PIEZO1: variants seen among roughly 807,000 people sequenced by gnomAD.
The protein encoded by PIEZO1 is piezo-type mechanosensitive ion channel component 1.
In PIEZO1, 296 loss-of-function variants were observed where a neutral mutation model predicts 297.2. That is an observed-to-expected ratio of 1.00 (90% CI 0.91 to 1.10). The LOEUF (loss-of-function observed/expected upper bound fraction) is 1.10. Ranked by LOEUF, PIEZO1 falls within the 50% of genes least tolerant of loss-of-function variation. The pLI, the probability that PIEZO1 is intolerant of heterozygous loss-of-function variation, is 0.00. For missense variants in PIEZO1, 5,018 were observed against 3,455.5 expected, an observed-to-expected ratio of 1.45 and a Z score of -11.34; for synonymous variants, 2,427 against 1,507.5, an observed-to-expected ratio of 1.61 and a Z score of -14.13.
intron 5 of PIEZO1, chr16:88,741,226 A>C: frequency 2.3e-6 from 1 of 436,674 alleles, no homozygotes; most frequent in African/African-American, 2.0e-5. Flanking sequence ...AAGAGTTCCT[A>C]AGGGCACAGA....
intron 1 of PIEZO1, among the ~76,000 whole-genome samples, chr16:88,764,189 G>A (rs1597481882): frequency 6.6e-6 from 1 of 152,230 alleles, no homozygotes; most frequent in East Asian, 1.9e-4. Flanking sequence ...GTGGGGCGGG[G>A]TACGAAAGGG....
At chr16:88,742,935 G>T (rs1382955649) in intron 2 of PIEZO1, 2 of 389,962 alleles carry the variant, frequency 5.1e-6, no homozygotes, top group Non-Finnish European at 5.3e-6. Context: ...TGGGGCTGAG[G>T]GGCTGCAAGG....
chr16:88,722,170 T>C lies in PIEZO1; in HGVS notation c.4955+48A>G, dbSNP rs944168116. 8.5e-6 allele frequency: 13 copies of C among 1,528,072 alleles called. No individual in the cohort carries two copies. In the East Asian group the frequency reaches 3.2e-4, roughly 37 times the overall value. The allele number at this position is 1,528,072 out of a possible 1,614,324, so 94.7% of individuals were successfully genotyped here. ...CAGTCTCCTGCCCCTGTTCGGCTGC[T>C]CCCCGAGGGCCATGGTGAGGCTGGT... is the stretch of plus-strand genomic sequence containing the variant. On this transcript the variant is annotated intron_variant, in intron 36 of 50. Coordinates refer to ENST00000301015, the MANE Select transcript of PIEZO1 (RefSeq NM_001142864.4).
intron 22 of PIEZO1, among the ~76,000 whole-genome samples, chr16:88,729,571 C>G (rs112825927): frequency 9.0e-6 from 1 of 110,526 alleles, no homozygotes; most frequent in African/African-American, 4.2e-5. Context: ...ACCTCGTGAC[C>G]CAAAAACAAA....
At chr16:88,742,795 C>T (rs1329724753) in intron 2 of PIEZO1, 2 of 340,754 alleles carry the variant, frequency 5.9e-6, no homozygotes, top group Non-Finnish European at 1.2e-5. Flanking sequence ...CAAGAAGCTC[C>T]ACCTCACCCC....
chr16:88,736,249 T>A lies in PIEZO1; in HGVS notation c.1456A>T (p.Met486Leu), dbSNP rs986221836. 1 of 1,550,006 alleles carries A rather than the reference T, an allele frequency of 6.5e-7. No homozygotes were observed. The highest frequency in any genetic ancestry group is 2.4e-5 in the East Asian group (1 of 40,916). Residue 486 changes from methionine (M) to leucine (L), a missense_variant, in exon 12 of 51, where the codon ATG becomes TTG. By Grantham distance (15) the Met-to-Leu change is conservative (BLOSUM62 2). Transcript: ENST00000301015. ...TLCCLRYVWA[M>L]DLRPELPTTL... ...GTGGGCAGCTCAGGGCGCAGGTCCA[T>A]GGCCCACACGTAGCGTAGGCAGCAC...
At chr16:88,720,816 C>T (rs1371874110) in intron 39 of PIEZO1, 68 bp from the exon 40 acceptor site, 1 of 1,418,400 alleles carries the variant, frequency 7.1e-7, no homozygotes, top group Non-Finnish European at 9.3e-7. Flanking sequence ...CTCCTGACCA[C>T]CCTAAGAGGC....
chr16:88,742,884 A>C (rs1905780804), intron 2 of PIEZO1: 2 of 368,642 alleles, frequency 5.4e-6, no homozygotes, highest in Non-Finnish European at 1.1e-5. Context: ...GAGCAGGGCC[A>C]TGATGGCTCT....
intron 1 of PIEZO1, among the ~76,000 whole-genome samples, chr16:88,759,752 G>T (rs949322115): frequency 6.6e-6 from 1 of 152,178 alleles, no homozygotes; most frequent in East Asian, 1.9e-4. Flanking sequence ...CCCAGGGGAC[G>T]GGGGGAAGCC....
intron 8 of PIEZO1, 26 bp downstream of exon 8, chr16:88,737,908 A>C (rs1252089003): frequency 2.7e-5 from 42 of 1,530,032 alleles, no homozygotes; most frequent in Non-Finnish European, 3.6e-5. Context: ...GCCTCAGCCC[A>C]CCCACCATGG....
At position 88,731,815 on chromosome 16, in the gene PIEZO1, C is replaced by G. The variant is rs1391230869; in HGVS notation, c.3087G>C (p.Arg1029Ser). Reference sequence around the variant, plus strand: ...AGAGGCGGGCAATGGCCTGGCGGTGCCTGCGGGTGAGGATGGCCACCAGCC... The same window carrying G: ...AGAGGCGGGCAATGGCCTGGCGGTGGCTGCGGGTGAGGATGGCCACCAGCC... Reference protein sequence around the residue: ...GCWLVAILTRRHRQAIARLWP... With the variant: ...GCWLVAILTRSHRQAIARLWP... Residue 1029 changes from arginine (R) to serine (S), a missense_variant, in exon 22 of 51, where the codon AGG becomes AGC. Coordinates refer to ENST00000301015, the MANE Select transcript of PIEZO1 (RefSeq NM_001142864.4). The G allele has an allele frequency of 3.0e-6, 4 of 1,353,066 alleles. No homozygotes were observed. The highest frequency in any genetic ancestry group is 2.4e-5 in the Admixed American group (1 of 41,474). The allele number at this position is 1,353,066 out of a possible 1,614,324, so 83.8% of individuals were successfully genotyped here. A position where few individuals can be genotyped will look rare whatever the true frequency, so the allele number is the denominator to read the frequency against.
intron 1 of PIEZO1, among the ~76,000 whole-genome samples, chr16:88,770,577 G>A (rs1196112574): frequency 6.6e-6 from 1 of 152,214 alleles, no homozygotes; most frequent in East Asian, 1.9e-4. Flanking sequence ...GCCATGGGCG[G>A]TGCCTGCCTG....
In PIEZO1 at chr16:88,720,536, C is replaced by T. The variant is rs149342271; in HGVS notation, c.5802-4G>A. 1.0e-3 allele frequency: 1,583 copies of T among 1,549,436 alleles called. 24 individuals are homozygous for T. In the Admixed American group the frequency reaches 0.017, roughly 17 times the overall value. ...CGGCCGATATGTGCCCTGGGCCCTG[C>T]GGAAGGGGGCGCTCAGCCTGGGCCC... On this transcript the variant is annotated splice_polypyrimidine_tract_variant and splice_region_variant and intron_variant, in intron 40 of 50. Coordinates refer to ENST00000301015, the MANE Select transcript of PIEZO1 (RefSeq NM_001142864.4).
intron 13 of PIEZO1, 26 bp downstream of exon 13, chr16:88,735,109 A>T: frequency 6.5e-7 from 1 of 1,546,014 alleles, no homozygotes; most frequent in Non-Finnish European, 8.7e-7. Flanking sequence ...CAGGAGGGCA[A>T]CCCCCGCCTC....
chr16:88,782,810 C>T (rs959890388), intron 1 of PIEZO1, among the ~76,000 whole-genome samples: 1 of 151,592 alleles, frequency 6.6e-6, no homozygotes, highest in Non-Finnish European at 1.5e-5. Flanking sequence ...GCCCACACCC[C>T]AGGGCCAGAG....
At chr16:88,729,445 T>C (rs1378269478) in intron 22 of PIEZO1, among the ~76,000 whole-genome samples, 1 of 118,352 alleles carries the variant, frequency 8.4e-6, no homozygotes, top group African/African-American at 3.0e-5. Flanking sequence ...CAGGACATGC[T>C]GATCTCACAG....
At chr16:88,718,894 A>T (rs948134365) in intron 44 of PIEZO1, 2 of 153,972 alleles carry the variant, frequency 1.3e-5, no homozygotes, top group Non-Finnish European at 2.9e-5. Flanking sequence ...TTTTGTAGAG[A>T]GAGTCTCACT....
At chr16:88,740,607 G>GA (rs1905577648) in intron 5 of PIEZO1, 1 of 152,352 alleles carries the variant, frequency 6.6e-6, no homozygotes, top group African/African-American at 2.4e-5. Flanking sequence ...GACAGGACAG[G>GA]CAGGAGGGCA....
At chr16:88,742,863 G>T (rs1905779435) in intron 2 of PIEZO1, 1 of 356,286 alleles carries the variant, frequency 2.8e-6, no homozygotes. Context: ...GAGCAGCCGT[G>T]GCTGGGGTGG....
Sources: allele counts gnomAD v4.1 joint callset (sites outside exome capture counted in the v4.1 genomes callset), GRCh38; gene constraint gnomAD v4.1.1; transcripts MANE v1.5; gene names NCBI Gene and HGNC (gene_info 2026-07-23, HGNC 2026-07-21).